ZNF578: variants seen among roughly 807,000 people sequenced by gnomAD.
ZNF578 encodes Putative chemokine-related protein B42.
Under a neutral mutation model 8.3 loss-of-function variants are expected in ZNF578, and 8 were observed. The observed-to-expected ratio is 0.96, with a 90% CI of 0.56 to 1.74. The LOEUF is 1.74. Ranked by LOEUF, ZNF578 falls within the 40% of genes most tolerant of loss-of-function variation. The pLI, the probability that ZNF578 is intolerant of heterozygous loss-of-function variation, is 0.00. For missense variants in ZNF578, 726 were observed against 707.5 expected, an observed-to-expected ratio of 1.03 and a Z score of -0.30; for synonymous variants, 206 against 232.2, an observed-to-expected ratio of 0.89 and a Z score of 1.03.
chr19:52,478,598 G>C (rs774938059), intron 2 of ZNF578, among the ~76,000 whole-genome samples: 3 of 152,306 alleles, frequency 2.0e-5, no homozygotes, highest in Middle Eastern at 3.4e-3. Flanking sequence ...GACTCCTTCT[G>C]TCCAGCAGAA....
intron 3 of ZNF578, among the ~76,000 whole-genome samples, chr19:52,494,783 A>G (rs1226930055): frequency 6.6e-6 from 1 of 152,058 alleles, no homozygotes; most frequent in East Asian, 1.9e-4. Context: ...GAAGTGGGGC[A>G]GTGATGTGGA....
At chr19:52,502,603 G>A (rs1169427567) in intron 4 of ZNF578, among the ~76,000 whole-genome samples, 1 of 152,100 alleles carries the variant, frequency 6.6e-6, no homozygotes, top group Admixed American at 6.6e-5. Context: ...TGTGTGTGGC[G>A]GTGCATGCCT....
intron 2 of ZNF578, among the ~76,000 whole-genome samples, chr19:52,481,246 T>G (rs908291151): frequency 2.6e-5 from 4 of 152,216 alleles, no homozygotes; most frequent in Non-Finnish European, 5.9e-5. Context: ...ATTTCACTTC[T>G]TCTGCTCCAG....
chr19:52,487,953 C>A (rs983583255), intron 2 of ZNF578, among the ~76,000 whole-genome samples: 35 of 148,858 alleles, frequency 2.4e-4, no homozygotes, highest in African/African-American at 7.1e-4. Context: ...CTACATAGCC[C>A]CCCCCCCTTT....
chr19:52,460,814 G>C lies in ZNF578; in HGVS notation c.-122+3856G>C, dbSNP rs557732040. 2.6e-5 allele frequency among the ~76,000 whole-genome samples: 4 copies of C among 152,232 alleles called. No homozygotes were observed. In the East Asian group the frequency reaches 5.8e-4, roughly 22 times the overall value. On this transcript the variant is annotated intron_variant, in intron 2 of 5. Coordinates refer to ENST00000421239, the MANE Select transcript of ZNF578 (RefSeq NM_001099694.2). ...CTAATGCTTTTTTTGCATCAATTGA[G>C]ATGATGGCATTGTTTTTGTTCTGAA...
At chr19:52,453,841 C>G (rs1332212202) in intron 1 of ZNF578, 1 of 152,274 alleles carries the variant, frequency 6.6e-6, no homozygotes, top group African/African-American at 2.4e-5. Flanking sequence ...TGCTTAAAAC[C>G]CTTTACTGAC....
chr19:52,489,093 C>T (rs1028029259), intron 2 of ZNF578, among the ~76,000 whole-genome samples: 3 of 151,878 alleles, frequency 2.0e-5, no homozygotes, highest in Non-Finnish European at 4.4e-5. Context: ...AGTGAGACTC[C>T]GTCTGCCCCC....
chr19:52,483,969 G>A (rs1443371595), intron 2 of ZNF578, among the ~76,000 whole-genome samples: 1 of 151,934 alleles, frequency 6.6e-6, no homozygotes, highest in African/African-American at 2.4e-5. Flanking sequence ...CCAGGGAACC[G>A]ACGCTCAGCA....
At chr19:52,503,105 T>C (rs2059413183) in intron 4 of ZNF578, among the ~76,000 whole-genome samples, 1 of 152,240 alleles carries the variant, frequency 6.6e-6, no homozygotes, top group Admixed American at 6.5e-5. Flanking sequence ...TTCTTTAGGC[T>C]GGTCTCAAAC....
At chr19:52,504,817 C>T (rs763395866) in intron 5 of ZNF578, 36 bp downstream of exon 5, 1 of 1,612,390 alleles carries the variant, frequency 6.2e-7, no homozygotes, top group South Asian at 1.1e-5. Flanking sequence ...GAGGAGTCTG[C>T]TCTTGTCTGT....
intron 2 of ZNF578, chr19:52,473,457 AAACCT>A (rs1418323896): frequency 6.4e-6 from 1 of 155,102 alleles, no homozygotes; most frequent in East Asian, 1.9e-4. Flanking sequence ...TTTTGTCTAA[AAACCT>A]AGTCTCACTC....
chr19:52,466,626 C>CA (rs2059276034), intron 2 of ZNF578, among the ~76,000 whole-genome samples: 1 of 152,056 alleles, frequency 6.6e-6, no homozygotes, highest in Non-Finnish European at 1.5e-5. Flanking sequence ...TGGACACAAA[C>CA]AAAAATGGCG....
intron 5 of ZNF578, among the ~76,000 whole-genome samples, chr19:52,506,101 T>C (rs1350114056): frequency 2.0e-5 from 3 of 152,096 alleles, no homozygotes; most frequent in Non-Finnish European, 4.4e-5. Context: ...AGTTTCACCA[T>C]GTTGGCTAGG....
At chr19:52,470,046 C>T (rs1267325987) in intron 2 of ZNF578, among the ~76,000 whole-genome samples, 1 of 152,164 alleles carries the variant, frequency 6.6e-6, no homozygotes, top group Non-Finnish European at 1.5e-5. Flanking sequence ...GCTGGGAACA[C>T]TGAGCTCTTA....
In ZNF578 at chr19:52,482,195, G is replaced by A. The variant is rs565216917; in HGVS notation, c.-121-9129G>A. Among the ~76,000 whole-genome samples, 44 of 152,044 alleles carry A rather than the reference G, an allele frequency of 2.9e-4. 1 individual carries two copies. In the South Asian group the frequency reaches 7.1e-3, roughly 25 times the overall value. ...ATTACAGGCATGCACCACAACGCCC[G>A]GCTAATTTTGTGTCTTTAGTAGAGA... is the stretch of plus-strand genomic sequence containing the variant. On this transcript the variant is annotated intron_variant, in intron 2 of 5. Transcript: ENST00000421239.
rs1157864222 is a variant in ZNF578, at chr19:52,461,392, G to C, written c.-122+4434G>C. 2.6e-5 allele frequency among the ~76,000 whole-genome samples: 4 copies of C among 152,284 alleles called. No homozygotes were observed. The East Asian group carries it at 7.7e-4, about 29-fold the overall frequency. On this transcript the variant is annotated intron_variant, in intron 2 of 5. Transcript: ENST00000421239. Reference sequence around the variant, plus strand: ...AATTTTCTTTGGTCTGTTTGAGTCTGAGAATTCCACAATTTTGAGGAATTA... The same window carrying C: ...AATTTTCTTTGGTCTGTTTGAGTCTCAGAATTCCACAATTTTGAGGAATTA...
chr19:52,480,915 A>G (rs1353257898), intron 2 of ZNF578, among the ~76,000 whole-genome samples: 1 of 131,196 alleles, frequency 7.6e-6, no homozygotes, highest in Non-Finnish European at 1.5e-5. Flanking sequence ...TAATAATAAT[A>G]ATAATAATAA....
chr19:52,501,874 G>A lies in ZNF578; in HGVS notation c.29G>A (p.Arg10Lys), dbSNP rs1406770076. 2 of 1,613,574 alleles carry A rather than the reference G, an allele frequency of 1.2e-6. No homozygotes were observed. Among genetic ancestry groups the A allele is most frequent in the South Asian group, 1.1e-5 (1 of 91,062 alleles). ...TTACATGAGGAAGCAGCTCAGAAGA[G>A]GAAAGGAAAGGAGCCAGGCATGGCT... Reference protein sequence around the residue: MLHEEAAQKRKGKEPGMALP... With the variant: MLHEEAAQKKKGKEPGMALP... Residue 10 changes from arginine to lysine, a missense_variant, in exon 4 of 6, where the codon AGG becomes AAG. Transcript: ENST00000421239.
rs1346671152 is a variant in ZNF578, at chr19:52,512,250, G to A, written c.*96G>A. On this transcript the variant is annotated 3_prime_UTR_variant, in exon 6 of 6. Coordinates refer to ENST00000421239, the MANE Select transcript of ZNF578 (RefSeq NM_001099694.2). ...AAAAGACATAGGAGAATTCATACTG[G>A]AGAGAAACCTTACAAGTGTAATGAG... The A allele has an allele frequency of 4.4e-6, 7 of 1,602,708 alleles. No individual in the cohort carries two copies. Among genetic ancestry groups the A allele is most frequent in the Admixed American group, 1.7e-5 (1 of 59,984 alleles).
Sources: allele counts gnomAD v4.1 joint callset (sites outside exome capture counted in the v4.1 genomes callset), GRCh38; gene constraint gnomAD v4.1.1; transcripts MANE v1.5; gene names NCBI Gene and HGNC (gene_info 2026-07-23, HGNC 2026-07-21).